EPB41L4A: variants seen among roughly 807,000 people sequenced by gnomAD.
The protein encoded by EPB41L4A is band 4.1-like protein 4A.
A neutral mutation model predicts 108.6 loss-of-function variants in EPB41L4A; 100 were observed. That is an observed-to-expected ratio of 0.92 (90% CI 0.78 to 1.09). The LOEUF (loss-of-function observed/expected upper bound fraction) is 1.09, where lower values mean the gene tolerates loss of function less well. Among genes scored for constraint, EPB41L4A ranks in the 50% least tolerant of loss-of-function variants. EPB41L4A has a pLI of 0.00. For missense variants in EPB41L4A, 1,030 were observed against 842.7 expected, an observed-to-expected ratio of 1.22 and a Z score of -2.75; for synonymous variants, 319 against 289.0, an observed-to-expected ratio of 1.10 and a Z score of -1.05.
intron 1 of EPB41L4A, among the ~76,000 whole-genome samples, chr5:112,332,209 A>C (rs1381202747): frequency 1.3e-5 from 2 of 152,172 alleles, no homozygotes; most frequent in African/African-American, 4.8e-5. Flanking sequence ...AATAAAACAC[A>C]GTCTTTTTGT....
intron 1 of EPB41L4A, among the ~76,000 whole-genome samples, chr5:112,349,471 G>A (rs1028937486): frequency 6.6e-6 from 1 of 152,172 alleles, no homozygotes; most frequent in African/African-American, 2.4e-5. Context: ...GGAAGACCAG[G>A]ATACCAGGGA....
intron 2 of EPB41L4A, among the ~76,000 whole-genome samples, chr5:112,283,121 AAC>A (rs771502498): frequency 2.2e-4 from 33 of 152,360 alleles, no homozygotes; most frequent in Non-Finnish European, 3.4e-4. Flanking sequence ...AAAGTAAAAT[AAC>A]AGTTTCAAGA....
At position 112,320,849 on chromosome 5, in the gene EPB41L4A, G is replaced by A. The variant is rs966246727; in HGVS notation, c.100-13359C>T. Among the ~76,000 whole-genome samples the A allele has an allele frequency of 4.6e-5, 7 of 152,134 alleles. 1 individual carries two copies. The highest frequency in any genetic ancestry group is 1.2e-4 in the African/African-American group (5 of 41,418). On this transcript the variant is annotated intron_variant, in intron 1 of 22. Transcript: ENST00000261486. ...GCAGCTTCCCTGCTAAGTGGGAAAT[G>A]GGCTCTCCAGCTTACAGGTGTCTTC...
intron 1 of EPB41L4A, among the ~76,000 whole-genome samples, chr5:112,374,892 T>A (rs368634207): frequency 1.2e-4 from 18 of 152,204 alleles, no homozygotes; most frequent in African/African-American, 4.3e-4. Flanking sequence ...TGTAGAAAAC[T>A]CTGAGTTTGA....
intron 1 of EPB41L4A, among the ~76,000 whole-genome samples, chr5:112,366,202 C>T (rs575193886): frequency 3.3e-5 from 5 of 152,164 alleles, no homozygotes; most frequent in African/African-American, 7.2e-5. Flanking sequence ...CTGCCACCTG[C>T]AACCACAGCT....
In EPB41L4A at chr5:112,336,887, A is replaced by G. The variant is rs117099037; in HGVS notation, c.100-29397T>C. On this transcript the variant is annotated intron_variant, in intron 1 of 22. Coordinates refer to ENST00000261486, the MANE Select transcript of EPB41L4A (RefSeq NM_022140.5). ...TCTAAAAACAATTTCTGATCTCTCA[A>G]GAGCAAAAGCATCTTTTCATTAGAG... Among the ~76,000 whole-genome samples, 51 of 152,348 alleles carry G rather than the reference A, an allele frequency of 3.3e-4. No individual in the cohort carries two copies. The East Asian group carries it at 9.8e-3, about 29-fold the overall frequency.
At chr5:112,213,831 AAT>A (rs1747419673) in intron 12 of EPB41L4A, among the ~76,000 whole-genome samples, 1 of 152,222 alleles carries the variant, frequency 6.6e-6, no homozygotes, top group African/African-American at 2.4e-5. Context: ...CCATTCATAT[AAT>A]AGTCACATGC....
At chr5:112,312,368 T>C (rs1309423672) in intron 1 of EPB41L4A, among the ~76,000 whole-genome samples, 1 of 152,190 alleles carries the variant, frequency 6.6e-6, no homozygotes, top group Admixed American at 6.5e-5. Flanking sequence ...GCAAATATTA[T>C]CCTTTAGCAT....
In EPB41L4A at chr5:112,230,219, G is replaced by T. The variant is rs886070588; in HGVS notation, c.1087+4415C>A. Among the ~76,000 whole-genome samples the T allele has an allele frequency of 4.6e-5, 7 of 152,146 alleles. No individual in the cohort carries two copies. In the East Asian group the frequency reaches 9.6e-4, roughly 21 times the overall value. ...TGTGCAAGTGTCTTTCTTATATAAT[G>T]ACTTCTTTTCCTCTGGGCAGATACC... On this transcript the variant is annotated intron_variant, in intron 12 of 22. Coordinates refer to ENST00000261486, the MANE Select transcript of EPB41L4A (RefSeq NM_022140.5).
At chr5:112,201,055 G>T (rs6884589) in intron 15 of EPB41L4A, among the ~76,000 whole-genome samples, 1 of 152,068 alleles carries the variant, frequency 6.6e-6, no homozygotes, top group Admixed American at 6.6e-5. Flanking sequence ...CAATGTAGAG[G>T]TTTGTGCTGA....
intron 1 of EPB41L4A, among the ~76,000 whole-genome samples, chr5:112,382,398 C>G (rs1227071558): frequency 2.0e-5 from 3 of 152,162 alleles, no homozygotes; most frequent in Non-Finnish European, 4.4e-5. Context: ...ACTATACCTG[C>G]AATGACGACA....
At chr5:112,158,213 TC>T (rs1248683928), downstream of EPB41L4A, among the ~76,000 whole-genome samples, 2 of 152,040 alleles carry the variant, frequency 1.3e-5, no homozygotes, top group Admixed American at 6.6e-5. Flanking sequence ...ACAGCATGTT[TC>T]CCCCTTTCAT....
At chr5:112,258,641 C>T (rs145031379) in intron 9 of EPB41L4A, among the ~76,000 whole-genome samples, 128 of 152,290 alleles carry the variant, frequency 8.4e-4, no homozygotes, top group African/African-American at 3.0e-3. Flanking sequence ...CTCAAAGACA[C>T]ACATCAAGGC....
intron 1 of EPB41L4A, among the ~76,000 whole-genome samples, chr5:112,345,778 TATAC>T (rs1188738410): frequency 0.03 from 3,902 of 130,644 alleles, 56 homozygotes; most frequent in Middle Eastern, 0.047. Flanking sequence ...CATATATATA[TATAC>T]ACACACACAC....
intron 1 of EPB41L4A, among the ~76,000 whole-genome samples, chr5:112,384,010 C>T (rs1244267743): frequency 6.6e-6 from 1 of 152,124 alleles, no homozygotes; most frequent in African/African-American, 2.4e-5. Context: ...AGCTCAATCA[C>T]AAAAGACAAC....
intron 1 of EPB41L4A, among the ~76,000 whole-genome samples, chr5:112,390,315 T>C (rs1284799054): frequency 2.0e-5 from 3 of 152,198 alleles, no homozygotes; most frequent in African/African-American, 7.2e-5. Flanking sequence ...TGACAGACTG[T>C]ACCTGGAAAA....
chr5:112,308,133 C>T (rs949391131), intron 1 of EPB41L4A, among the ~76,000 whole-genome samples: 7 of 152,180 alleles, frequency 4.6e-5, no homozygotes, highest in African/African-American at 1.7e-4. Flanking sequence ...CCACCTACTA[C>T]ATATACAGAT....
At chr5:112,211,365 C>T (rs1002832442) in intron 12 of EPB41L4A, among the ~76,000 whole-genome samples, 2 of 152,140 alleles carry the variant, frequency 1.3e-5, no homozygotes, top group Non-Finnish European at 1.5e-5. Flanking sequence ...GGGCGGATCA[C>T]GAGGTCAGGA....
At chr5:112,345,231 T>G (rs1757561469) in intron 1 of EPB41L4A, among the ~76,000 whole-genome samples, 1 of 152,188 alleles carries the variant, frequency 6.6e-6, no homozygotes, top group African/African-American at 2.4e-5. Context: ...CAAATTAAAT[T>G]GACACATACA....
Sources: allele counts gnomAD v4.1 joint callset (sites outside exome capture counted in the v4.1 genomes callset), GRCh38; gene constraint gnomAD v4.1.1; transcripts MANE v1.5; gene names NCBI Gene and HGNC (gene_info 2026-07-23, HGNC 2026-07-21).